ASAP2: variants seen among roughly 807,000 people sequenced by gnomAD.
The protein encoded by ASAP2 is ArfGAP with SH3 domain, ankyrin repeat and PH domain 2.
ASAP2 carries 45 observed loss-of-function variants against 131.4 expected under a neutral mutation model. That is an observed-to-expected ratio of 0.34 (90% CI 0.27 to 0.44). The LOEUF is 0.44. ASAP2 is among the 20% of genes least tolerant of loss of function. ASAP2 has a pLI of 1.00. For missense variants in ASAP2, 1,011 were observed against 1,297.0 expected (o/e 0.78, Z 3.39); for synonymous variants, 510 against 503.0 (o/e 1.01, Z -0.19).
intron 12 of ASAP2, among the ~76,000 whole-genome samples, chr2:9,352,248 A>ACACACACACAC (rs1558357880): frequency 1.5e-5 from 2 of 133,744 alleles, no homozygotes; most frequent in African/African-American, 6.0e-5. Context: ...CACACACACA[A>ACACACACACAC]ACACACACAC....
intron 7 of ASAP2, among the ~76,000 whole-genome samples, chr2:9,331,631 G>T (rs560838676): frequency 6.6e-6 from 1 of 152,104 alleles, no homozygotes. Context: ...AGCCGGATGC[G>T]GTAGTGCACA....
At chr2:9,231,459 T>C (rs771698779) in intron 1 of ASAP2, among the ~76,000 whole-genome samples, 13 of 152,194 alleles carry the variant, frequency 8.5e-5, no homozygotes, top group Non-Finnish European at 1.5e-4. Flanking sequence ...CATGACTCGG[T>C]ACCTGCTACC....
At chr2:9,371,543 A>G (rs1001067584) in intron 16 of ASAP2, among the ~76,000 whole-genome samples, 8 of 152,198 alleles carry the variant, frequency 5.3e-5, no homozygotes, top group Non-Finnish European at 1.2e-4. Flanking sequence ...TCAGAACAGC[A>G]CACCATCTGC....
At chr2:9,243,399 T>C (rs578153466) in intron 1 of ASAP2, among the ~76,000 whole-genome samples, 30 of 152,320 alleles carry the variant, frequency 2.0e-4, no homozygotes, top group African/African-American at 7.0e-4. Flanking sequence ...TGAGCCACCG[T>C]GCCCGGCCTA....
chr2:9,360,823 A>T (rs1013010518), intron 15 of ASAP2, among the ~76,000 whole-genome samples: 1 of 152,188 alleles, frequency 6.6e-6, no homozygotes, highest in African/African-American at 2.4e-5. Flanking sequence ...ATATAGCATA[A>T]TTTTTAATAG....
chr2:9,281,789 C>A lies in ASAP2; in HGVS notation c.199+2400C>A, dbSNP rs572084968. Among the ~76,000 whole-genome samples, 1 of 152,242 alleles carries A rather than the reference C, an allele frequency of 6.6e-6. No individual in the cohort carries two copies. Among genetic ancestry groups the A allele is most frequent in the Admixed American group, 6.5e-5 (1 of 15,298 alleles). ...TATCGTTCTTAACCCTTTCCCAATT[C>A]ATCTGTCGATGAAACTGTCACTGCC... On this transcript the variant is annotated intron_variant, in intron 2 of 27. Coordinates refer to ENST00000281419, the MANE Select transcript of ASAP2 (RefSeq NM_003887.3). The surrounding 1 kb of genome is among the most constrained non-coding windows in gnomAD (Gnocchi z 4.0).
At chr2:9,388,150 G>T in intron 21 of ASAP2, 144 bp from the exon 22 acceptor site, 1 of 985,602 alleles carries the variant, frequency 1.0e-6, no homozygotes, top group Non-Finnish European at 1.5e-6. Context: ...GCAACTTGTA[G>T]CTCTCAGGCA....
chr2:9,221,951 G>A (rs529739429), intron 1 of ASAP2, among the ~76,000 whole-genome samples: 4 of 151,734 alleles, frequency 2.6e-5, no homozygotes, highest in African/African-American at 9.7e-5. Flanking sequence ...CCGCCACCAC[G>A]CCTGGCTAAT....
intron 1 of ASAP2, among the ~76,000 whole-genome samples, chr2:9,220,074 A>G (rs571046035): frequency 6.6e-5 from 10 of 152,260 alleles, no homozygotes; most frequent in African/African-American, 2.2e-4. Flanking sequence ...ATTCTATCAA[A>G]TGTGTATGAT....
At chr2:9,312,463 C>G (rs1572419667) in intron 3 of ASAP2, among the ~76,000 whole-genome samples, 1 of 152,156 alleles carries the variant, frequency 6.6e-6, no homozygotes, top group East Asian at 1.9e-4. Context: ...CCAGTCTACC[C>G]CTGCCCCCAC....
chr2:9,254,224 A>T lies in ASAP2; in HGVS notation c.127-25093A>T, dbSNP rs1309427050. ...AGACTGTCTCAAAAAAAAAAAAAAAAAAAAAAAAAAAAATATATATATATA... is the reference window on the plus strand; with the variant it reads ...AGACTGTCTCAAAAAAAAAAAAAAATAAAAAAAAAAAAATATATATATATA... On this transcript the variant is annotated intron_variant, in intron 1 of 27. Transcript: ENST00000281419. 1.4e-3 allele frequency among the ~76,000 whole-genome samples: 105 copies of T among 75,146 alleles called. 2 individuals are homozygous for T. The highest frequency in any genetic ancestry group is 2.7e-3 in the South Asian group (7 of 2,612). The allele number at this position is 75,146 out of a possible 152,430, so 49.3% of individuals were successfully genotyped here. A position where few individuals can be genotyped will look rare whatever the true frequency, so the allele number is the denominator to read the frequency against.
chr2:9,328,991 T>TA (rs1410620185), intron 7 of ASAP2, among the ~76,000 whole-genome samples: 3 of 152,250 alleles, frequency 2.0e-5, no homozygotes, highest in African/African-American at 7.2e-5. Flanking sequence ...TGTTCCCTGA[T>TA]ACAGTCTCCA....
At chr2:9,219,773 C>T (rs561578781) in intron 1 of ASAP2, among the ~76,000 whole-genome samples, 6 of 152,262 alleles carry the variant, frequency 3.9e-5, no homozygotes, top group East Asian at 1.9e-4. Context: ...TTTTAGTGTA[C>T]TCACAAAGTT....
In ASAP2 at chr2:9,388,472, G is replaced by A. The variant is rs765394549; in HGVS notation, c.2309G>A (p.Ser770Asn). Residue 770 changes from serine to asparagine, a missense_variant, in exon 22 of 28, where the codon AGC becomes AAC. Ser to Asn is a conservative substitution (Grantham distance 46, BLOSUM62 1). Transcript: ENST00000281419. Reference protein sequence around the residue: ...NETYGALLSGSPPPAQPAAPS... With the variant: ...NETYGALLSGNPPPAQPAAPS... ...ACTTACGGAGCCCTCCTGAGTGGCA[G>A]CCCACCTCCCGCCCAGCCTGCAGCC... is the stretch of plus-strand genomic sequence containing the variant. The A allele has an allele frequency of 3.7e-6, 6 of 1,614,004 alleles. No individual in the cohort carries two copies. Among genetic ancestry groups the A allele is most frequent in the Non-Finnish European group, 5.1e-6 (6 of 1,179,976 alleles).
intron 1 of ASAP2, among the ~76,000 whole-genome samples, chr2:9,272,242 A>T (rs1487886847): frequency 6.6e-6 from 1 of 152,192 alleles, no homozygotes; most frequent in Admixed American, 6.5e-5. Flanking sequence ...CCTTTTGCCT[A>T]TAAACCATTT....
intron 15 of ASAP2, among the ~76,000 whole-genome samples, chr2:9,365,161 T>G (rs544637507): frequency 3.6e-4 from 55 of 152,364 alleles, no homozygotes; most frequent in South Asian, 1.5e-3. Context: ...ACATCATATG[T>G]AAACTTTTTC....
At chr2:9,313,702 G>A (rs1213331897) in intron 3 of ASAP2, among the ~76,000 whole-genome samples, 1 of 152,196 alleles carries the variant, frequency 6.6e-6, no homozygotes, top group Non-Finnish European at 1.5e-5. Context: ...GACTCTGATT[G>A]TGGTTTTGTA....
rs574788759 is a variant in ASAP2 at position 9,264,136 on chromosome 2, G to A, written c.127-15181G>A. 2.0e-3 allele frequency among the ~76,000 whole-genome samples: 299 copies of A among 149,976 alleles called. 1 individual carries two copies. The highest frequency in any genetic ancestry group is 6.8e-3 in the African/African-American group (274 of 40,490). On this transcript the variant is annotated intron_variant, in intron 1 of 27. Coordinates refer to ENST00000281419, the MANE Select transcript of ASAP2 (RefSeq NM_003887.3). ...GAGCCTTGGAAAGAGAGGTTGCAGT[G>A]AGCCAAGATCACACCACTGCACTCC...
intron 3 of ASAP2, among the ~76,000 whole-genome samples, chr2:9,315,863 G>A (rs931840708): frequency 1.3e-5 from 2 of 152,200 alleles, no homozygotes; most frequent in African/African-American, 2.4e-5. Flanking sequence ...GGCCAGGTAC[G>A]TGAGAAATGT....
Sources: allele counts gnomAD v4.1 joint callset (sites outside exome capture counted in the v4.1 genomes callset), GRCh38; gene constraint gnomAD v4.1.1; non-coding constraint Gnocchi (gnomAD v3.1); transcripts MANE v1.5; gene names NCBI Gene and HGNC (gene_info 2026-07-23, HGNC 2026-07-21).